Variants in ERI3 observed in about 807,000 individuals in gnomAD.
The protein encoded by ERI3 is ERI1 exoribonuclease 3.
Under a neutral mutation model 44.4 loss-of-function variants are expected in ERI3, and 18 were observed. The observed-to-expected ratio is 0.41, with a 90% CI of 0.28 to 0.60. The LOEUF is 0.60. Ranked by LOEUF, ERI3 falls within the 20% of genes least tolerant of loss-of-function variation. ERI3 has a pLI of 0.36. For missense variants in ERI3, 294 were observed against 435.5 expected, an observed-to-expected ratio of 0.68 and a Z score of 2.89; for synonymous variants, 183 against 164.8, an observed-to-expected ratio of 1.11 and a Z score of -0.84.
chr1:44,312,009 C>A (rs1267988217), intron 5 of ERI3, among the ~76,000 whole-genome samples: 2 of 152,148 alleles, frequency 1.3e-5, no homozygotes, highest in Admixed American at 1.3e-4. Context: ...AGACTGGTCA[C>A]AGCCTAGGTT....
At chr1:44,307,585 A>G (rs1645866103) in intron 6 of ERI3, among the ~76,000 whole-genome samples, 1 of 152,224 alleles carries the variant, frequency 6.6e-6, no homozygotes. Context: ...CCATGAGGGC[A>G]GACAAGATGC....
chr1:44,260,211 T>C (rs1636887), intron 7 of ERI3, among the ~76,000 whole-genome samples: 106,083 of 152,148 alleles, frequency 0.7, 37,988 homozygotes, highest in African/African-American at 0.87. Context: ...AAACCAGTAA[T>C]GGCCCATAAC....
At chr1:44,267,390 T>G (rs543878401) in intron 7 of ERI3, among the ~76,000 whole-genome samples, 1 of 152,134 alleles carries the variant, frequency 6.6e-6, no homozygotes, top group Non-Finnish European at 1.5e-5. Flanking sequence ...CCTATGGGCC[T>G]CTCCTCCCCT....
intron 6 of ERI3, among the ~76,000 whole-genome samples, chr1:44,290,888 A>G (rs1239132984): frequency 6.6e-6 from 1 of 152,152 alleles, no homozygotes; most frequent in Admixed American, 6.5e-5. Flanking sequence ...TCGAGGTAAA[A>G]TATGACCAAG....
At chr1:44,259,842 T>TG (rs1457147749) in intron 7 of ERI3, among the ~76,000 whole-genome samples, 1 of 151,776 alleles carries the variant, frequency 6.6e-6, no homozygotes, top group Non-Finnish European at 1.5e-5. Flanking sequence ...TTTGTGCCAC[T>TG]GAACTCCAGC....
intron 8 of ERI3, 115 bp downstream of exon 8, chr1:44,247,824 G>A: frequency 1.4e-6 from 1 of 738,046 alleles, no homozygotes; most frequent in South Asian, 2.2e-5. Flanking sequence ...CCTATGTAGA[G>A]AGCCCTGTTG....
At chr1:44,267,670 CCCGCCTGCCTGCTT>C (rs1385401652) in intron 7 of ERI3, among the ~76,000 whole-genome samples, 22 of 152,358 alleles carry the variant, frequency 1.4e-4, no homozygotes, top group African/African-American at 4.6e-4. Context: ...CTGCCTGCAG[CCCGCCTGCCTGCTT>C]GCAGCCAAGT....
intron 1 of ERI3, chr1:44,354,212 C>A: frequency 1.0e-6 from 1 of 985,448 alleles, no homozygotes; most frequent in Non-Finnish European, 1.2e-6. Flanking sequence ...TGCCCTTCCG[C>A]TGGGAGACTG....
intron 3 of ERI3, among the ~76,000 whole-genome samples, chr1:44,335,365 A>AC (rs1316824425): frequency 6.6e-6 from 1 of 151,706 alleles, no homozygotes; most frequent in Non-Finnish European, 1.5e-5. Context: ...AAAAAAAAAA[A>AC]AACAAACAAA....
At chr1:44,265,779 C>CA (rs904974858) in intron 7 of ERI3, among the ~76,000 whole-genome samples, 11 of 151,674 alleles carry the variant, frequency 7.3e-5, no homozygotes, top group Admixed American at 2.6e-4. Flanking sequence ...AAGCTAGTCA[C>CA]AAAAAAAACC....
chr1:44,228,419 C>A lies in ERI3; in HGVS notation c.932-6779G>T, dbSNP rs1237456599. Among the ~76,000 whole-genome samples the A allele has an allele frequency of 6.6e-6, 1 of 152,210 alleles. No individual in the cohort carries two copies. Among genetic ancestry groups the A allele is most frequent in the East Asian group, 1.9e-4 (1 of 5,206 alleles). On this transcript the variant is annotated intron_variant, in intron 8 of 8. Coordinates refer to ENST00000372257, the MANE Select transcript of ERI3 (RefSeq NM_024066.3). This position sits in a 1 kb window ranked among gnomAD's most constrained non-coding sequence, Gnocchi z 4.3. The stretch of plus-strand genomic sequence containing the variant: ...ACGTAATAATGAAATTACAGAAATG[C>A]AGTCCACTTATTCAAACAACTCACC...
At chr1:44,246,213 T>C (rs1021403948) in intron 8 of ERI3, among the ~76,000 whole-genome samples, 2 of 152,348 alleles carry the variant, frequency 1.3e-5, no homozygotes, top group African/African-American at 2.4e-5. Flanking sequence ...AAGCTTCTTG[T>C]AGGTGTCTGA....
chr1:44,353,850 C>T (rs759513419), intron 1 of ERI3: 58 of 985,314 alleles, frequency 5.9e-5, no homozygotes, highest in Middle Eastern at 1.0e-3. Context: ...ATAAAGGAAA[C>T]CTTATCAATC....
At chr1:44,224,293 A>G (rs1237635789) in intron 8 of ERI3, among the ~76,000 whole-genome samples, 1 of 152,124 alleles carries the variant, frequency 6.6e-6, no homozygotes, top group Non-Finnish European at 1.5e-5. Context: ...TAAAGTCTAC[A>G]CCAGTAATAT....
chr1:44,312,944 C>T (rs1018922214), intron 5 of ERI3, among the ~76,000 whole-genome samples: 2 of 152,264 alleles, frequency 1.3e-5, no homozygotes, highest in Non-Finnish European at 2.9e-5. Flanking sequence ...CTGCCTGACT[C>T]CTGGCAGCAC....
Position 44,346,968 on chromosome 1 carries a change from G to T in ERI3, c.211+5882C>A, listed in dbSNP as rs183637868. On this transcript the variant is annotated intron_variant, in intron 2 of 8. Transcript: ENST00000372257. The stretch of plus-strand genomic sequence containing the variant: ...GAAAATCTACTCCAAGCCAGGCATT[G>T]TATCGATGATTTACATATTTTATTT... 6.6e-5 allele frequency among the ~76,000 whole-genome samples: 10 copies of T among 152,268 alleles called. No homozygotes were observed. In the East Asian group the frequency reaches 1.9e-3, roughly 29 times the overall value.
intron 3 of ERI3, among the ~76,000 whole-genome samples, chr1:44,335,928 C>G (rs756695460): frequency 6.6e-6 from 1 of 152,200 alleles, no homozygotes; most frequent in Non-Finnish European, 1.5e-5. Flanking sequence ...CATCCCAAAT[C>G]TCAACCTTTC....
intron 3 of ERI3, among the ~76,000 whole-genome samples, chr1:44,327,255 A>G (rs1159343783): frequency 6.6e-6 from 1 of 152,200 alleles, no homozygotes; most frequent in African/African-American, 2.4e-5. Flanking sequence ...CAAGCCCAAA[A>G]AAATCTCTCT....
At chr1:44,238,731 A>G (rs553369449) in intron 8 of ERI3, among the ~76,000 whole-genome samples, 6 of 151,930 alleles carry the variant, frequency 3.9e-5, no homozygotes, top group Non-Finnish European at 7.4e-5. Flanking sequence ...TATAGGACTG[A>G]ACCCCATCAC....
Sources: gnomAD v4.1 joint callset for allele counts (sites outside exome capture counted in the v4.1 genomes callset) on GRCh38, gnomAD v4.1.1 for gene constraint, Gnocchi (gnomAD v3.1) non-coding constraint, MANE v1.5 for transcripts, NCBI Gene and HGNC (gene_info 2026-07-23, HGNC 2026-07-21) for gene names.